PTPRD: variants seen among roughly 807,000 people sequenced by gnomAD.
The protein encoded by PTPRD is receptor-type tyrosine-protein phosphatase delta.
In PTPRD, 34 loss-of-function variants were observed where a neutral mutation model predicts 214.5. That is an observed-to-expected ratio of 0.16 (90% CI 0.12 to 0.21). The LOEUF (loss-of-function observed/expected upper bound fraction) is 0.21. PTPRD is among the 10% of genes least tolerant of loss of function. The probability of loss-of-function intolerance (pLI) is 1.00; values close to 1 mark genes in which losing one functional copy is unlikely to be tolerated. For missense variants in PTPRD, 2,545 were observed against 2,398.7 expected (o/e 1.06, Z -1.27); for synonymous variants, 1,128 against 845.7 (o/e 1.33, Z -5.79).
intron 4 of PTPRD, among the ~76,000 whole-genome samples, chr9:10,031,132 CA>C (rs539599024): frequency 8.0e-4 from 122 of 152,208 alleles, no homozygotes; most frequent in African/African-American, 2.9e-3. Context: ...TCTTTTAAGA[CA>C]AGCTAATAAT....
intron 8 of PTPRD, among the ~76,000 whole-genome samples, chr9:9,462,026 G>A (rs2093705459): frequency 6.6e-6 from 1 of 152,102 alleles, no homozygotes; most frequent in South Asian, 2.1e-4. Flanking sequence ...ACTTATTAAT[G>A]TTTGCTTCTC....
intron 11 of PTPRD, among the ~76,000 whole-genome samples, chr9:8,913,914 T>C (rs1338406200): frequency 6.6e-6 from 1 of 152,140 alleles, no homozygotes; most frequent in African/African-American, 2.4e-5. Context: ...TCAACAAATA[T>C]TTACTAAGTA....
intron 7 of PTPRD, among the ~76,000 whole-genome samples, chr9:9,658,006 T>C (rs2096553890): frequency 6.6e-6 from 1 of 152,238 alleles, no homozygotes. Flanking sequence ...TTTAGTTTCT[T>C]TTTGTGAATT....
At chr9:9,123,446 G>A (rs2099819526) in intron 10 of PTPRD, among the ~76,000 whole-genome samples, 1 of 152,166 alleles carries the variant, frequency 6.6e-6, no homozygotes, top group Admixed American at 6.6e-5. Context: ...ACAGCTACAT[G>A]CTATGGAAAA....
intron 14 of PTPRD, among the ~76,000 whole-genome samples, chr9:8,605,751 T>A (rs974772644): frequency 6.6e-6 from 1 of 152,230 alleles, no homozygotes; most frequent in Non-Finnish European, 1.5e-5. Context: ...CATTACCTTG[T>A]GCTTCAACAG....
intron 9 of PTPRD, among the ~76,000 whole-genome samples, chr9:9,275,053 ATG>A (rs1460616628): frequency 1.1e-5 from 1 of 88,102 alleles, no homozygotes. Flanking sequence ...CCATATATAT[ATG>A]TATATATATA....
chr9:9,961,958 A>G (rs561834452), intron 4 of PTPRD, among the ~76,000 whole-genome samples: 8 of 152,288 alleles, frequency 5.3e-5, no homozygotes, highest in African/African-American at 1.9e-4. Context: ...AACATATACA[A>G]TTATTATGTA....
At chr9:9,955,570 C>T (rs2093844494) in intron 4 of PTPRD, among the ~76,000 whole-genome samples, 1 of 150,474 alleles carries the variant, frequency 6.6e-6, no homozygotes, top group Admixed American at 6.6e-5. Context: ...GTCGCCCAGG[C>T]TTGAGTATAG....
chr9:10,275,157 C>G (rs1368710096), intron 3 of PTPRD, among the ~76,000 whole-genome samples: 1 of 152,082 alleles, frequency 6.6e-6, no homozygotes, highest in Non-Finnish European at 1.5e-5. Flanking sequence ...ATTATAGATT[C>G]CCAAATTACA....
At chr9:9,559,038 G>C (rs1449935980) in intron 8 of PTPRD, among the ~76,000 whole-genome samples, 3 of 152,188 alleles carry the variant, frequency 2.0e-5, no homozygotes, top group Non-Finnish European at 4.4e-5. Context: ...CCAGTCCGGG[G>C]GGGTAGCTAT....
intron 12 of PTPRD, among the ~76,000 whole-genome samples, chr9:8,732,053 A>G (rs117879428): frequency 0.022 from 3,377 of 152,330 alleles, 49 homozygotes; most frequent in Middle Eastern, 0.058. Context: ...TTTCTTTTGT[A>G]AGACTACACA....
At chr9:8,509,343 C>T (rs755900683) in intron 21 of PTPRD, among the ~76,000 whole-genome samples, 6 of 152,144 alleles carry the variant, frequency 3.9e-5, no homozygotes, top group Non-Finnish European at 5.9e-5. Context: ...AGGACCTAAC[C>T]TAATATTCAC....
intron 6 of PTPRD, among the ~76,000 whole-genome samples, chr9:9,763,242 A>T (rs567842388): frequency 6.6e-6 from 1 of 152,330 alleles, no homozygotes; most frequent in Non-Finnish European, 1.5e-5. Flanking sequence ...ACACATATGC[A>T]TACCCATGAC....
chr9:9,651,475 G>C (rs1594246058), intron 7 of PTPRD, among the ~76,000 whole-genome samples: 1 of 152,014 alleles, frequency 6.6e-6, no homozygotes, highest in East Asian at 1.9e-4. Flanking sequence ...GCTCCCACTT[G>C]CAAGCGAGAA....
chr9:8,488,765 A>G (rs2097089893), intron 27 of PTPRD, among the ~76,000 whole-genome samples: 1 of 152,236 alleles, frequency 6.6e-6, no homozygotes, highest in South Asian at 2.1e-4. Flanking sequence ...AATGTCAGTG[A>G]TGGTGTCAAG....
In PTPRD at chr9:9,768,345, A is replaced by G. The variant is rs575419530; in HGVS notation, c.-367-1494T>C. 2.8e-3 allele frequency among the ~76,000 whole-genome samples: 420 copies of G among 152,334 alleles called. 2 individuals carry two copies. Among genetic ancestry groups the G allele is most frequent in the African/African-American group, 9.5e-3 (397 of 41,582 alleles). ...TAGTGACTAATAAATGTTAGCTATT[A>G]AAACTATTAACATTTGAAAAGTAAA... On this transcript the variant is annotated intron_variant, in intron 5 of 45. Transcript: ENST00000381196.
intron 33 of PTPRD, among the ~76,000 whole-genome samples, chr9:8,452,821 G>T (rs753800478): frequency 4.6e-5 from 7 of 152,062 alleles, no homozygotes; most frequent in South Asian, 4.1e-4. Flanking sequence ...CTTTCACCAG[G>T]CTCTCATCTG....
chr9:9,609,315 T>C (rs1043689901), intron 7 of PTPRD, among the ~76,000 whole-genome samples: 1 of 152,164 alleles, frequency 6.6e-6, no homozygotes, highest in South Asian at 2.1e-4. Context: ...TGTTTCTATA[T>C]ACATACCTAG....
At chr9:9,780,122 G>C (rs1203178108) in intron 5 of PTPRD, among the ~76,000 whole-genome samples, 1 of 152,140 alleles carries the variant, frequency 6.6e-6, no homozygotes, top group Non-Finnish European at 1.5e-5. Flanking sequence ...AGTATGGATG[G>C]AGCTGGAGAC....
Sources: allele counts gnomAD v4.1 joint callset (sites outside exome capture counted in the v4.1 genomes callset), GRCh38; gene constraint gnomAD v4.1.1; transcripts MANE v1.5; gene names NCBI Gene and HGNC (gene_info 2026-07-23, HGNC 2026-07-21).